VPS13B: variants seen among roughly 807,000 people sequenced by gnomAD.
VPS13B encodes intermembrane lipid transfer protein VPS13B.
A neutral mutation model predicts 426.4 loss-of-function variants in VPS13B; 285 were observed. That is an observed-to-expected ratio of 0.67 (90% CI 0.61 to 0.74). The LOEUF is 0.74. Among genes scored for constraint, VPS13B ranks in the 30% least tolerant of loss-of-function variants. The pLI, the probability that VPS13B is intolerant of heterozygous loss-of-function variation, is 0.00. For missense variants in VPS13B, 4,537 were observed against 4,782.6 expected (o/e 0.95, Z 1.51); for synonymous variants, 1,676 against 1,676.4 (o/e 1.00, Z 0.01).
Position 99,823,858 on chromosome 8 carries a change from G to A in VPS13B, c.9210G>A (p.Met3070Ile). The change falls in exon 51 of 62, where the codon ATG becomes ATA. Residue 3070 changes from methionine (M) to isoleucine (I), a missense_variant. Physicochemically the swap from Met to Ile is conservative, Grantham distance 10. This residue lies in a region of VPS13B where 4,311 missense variants were observed against 4,474.3 expected (regional missense o/e 0.96). Coordinates refer to ENST00000357162, the MANE Select transcript of VPS13B (RefSeq NM_152564.5). ...QKLCQFCISS[M>I]VQQGIQIIQI... is the part of the protein sequence containing the mutation. Reference sequence around the variant, plus strand: ...TATGTCAGTTCTGCATTTCCTCCATGGTACAGCAAGGTATACAAATTATTC... The same window carrying A: ...TATGTCAGTTCTGCATTTCCTCCATAGTACAGCAAGGTATACAAATTATTC... 6.2e-7 allele frequency: 1 copy of A among 1,613,436 alleles called. No homozygotes were observed. The highest frequency in any genetic ancestry group is 8.5e-7 in the Non-Finnish European group (1 of 1,179,830).
intron 19 of VPS13B, chr8:99,348,058 A>G (rs1038034001): frequency 1.3e-5 from 2 of 152,276 alleles, no homozygotes; most frequent in African/African-American, 4.8e-5. Flanking sequence ...CTATGCAGGT[A>G]CATCTTACTC....
intron 58 of VPS13B, among the ~76,000 whole-genome samples, chr8:99,865,521 G>C (rs1245728014): frequency 6.6e-6 from 1 of 152,222 alleles, no homozygotes; most frequent in Non-Finnish European, 1.5e-5. Flanking sequence ...TCCCCTCCGA[G>C]GGAGTGACTC....
intron 21 of VPS13B, among the ~76,000 whole-genome samples, chr8:99,428,541 C>T (rs927451650): frequency 3.3e-5 from 5 of 152,186 alleles, no homozygotes; most frequent in Non-Finnish European, 7.4e-5. Flanking sequence ...AAATGCTCAT[C>T]ATCACTGGCC....
At chr8:99,057,234 C>G (rs576709629) in intron 3 of VPS13B, among the ~76,000 whole-genome samples, 84 of 151,690 alleles carry the variant, frequency 5.5e-4, no homozygotes, top group Middle Eastern at 3.4e-3. Flanking sequence ...CCTTTTTAAA[C>G]TTATAAGTTA....
intron 3 of VPS13B, among the ~76,000 whole-genome samples, chr8:99,086,095 C>T (rs559416697): frequency 1.3e-5 from 2 of 152,194 alleles, no homozygotes; most frequent in African/African-American, 4.8e-5. Flanking sequence ...TTCAGATACA[C>T]CAGTGAGACA....
chr8:99,360,498 C>T (rs759092473), intron 19 of VPS13B, among the ~76,000 whole-genome samples: 5 of 151,612 alleles, frequency 3.3e-5, no homozygotes, highest in Non-Finnish European at 4.4e-5. Flanking sequence ...AGTATGGTCT[C>T]GATCTCCTGA....
Position 99,876,056 on chromosome 8 carries a change from T to C in VPS13B, c.*390T>C, listed in dbSNP as rs1817685515. 1.3e-5 allele frequency: 3 copies of C among 238,742 alleles called. No homozygotes were observed. The highest frequency in any genetic ancestry group is 1.6e-5 in the Non-Finnish European group (2 of 122,010). 14.8% of individuals were successfully genotyped at this position (238,742 alleles called of 1,614,324 possible). A position where few individuals can be genotyped will look rare whatever the true frequency, so the allele number is the denominator to read the frequency against. ...AGAGGATGCATTTATTTTTGCTCTA[T>C]GACACTTGCAAAAATCTCTACTGTA... On this transcript the variant is annotated 3_prime_UTR_variant, in exon 62 of 62. Coordinates refer to ENST00000357162, the MANE Select transcript of VPS13B (RefSeq NM_152564.5).
chr8:99,433,881 A>T (rs1817240749), intron 22 of VPS13B, among the ~76,000 whole-genome samples: 1 of 151,982 alleles, frequency 6.6e-6, no homozygotes, highest in Admixed American at 6.6e-5. Context: ...ATCTCAACTC[A>T]TTGCACCTTC....
At chr8:99,743,486 T>C (rs1430647381) in intron 39 of VPS13B, among the ~76,000 whole-genome samples, 2 of 152,048 alleles carry the variant, frequency 1.3e-5, no homozygotes, top group African/African-American at 4.8e-5. Context: ...AAAGTTCATA[T>C]GGAACCAAAA....
At chr8:99,389,680 G>C (rs145254429) in intron 20 of VPS13B, 1 of 152,280 alleles carries the variant, frequency 6.6e-6, no homozygotes, top group African/African-American at 2.4e-5. Flanking sequence ...GGAGGGGTTC[G>C]TCTTGTCTCA....
At chr8:99,582,732 T>G (rs984295589) in intron 33 of VPS13B, among the ~76,000 whole-genome samples, 1 of 152,156 alleles carries the variant, frequency 6.6e-6, no homozygotes, top group Non-Finnish European at 1.5e-5. Flanking sequence ...CTCGGCTCAC[T>G]GCAAGCTCCG....
intron 59 of VPS13B, among the ~76,000 whole-genome samples, chr8:99,869,415 G>A (rs1464172446): frequency 6.6e-6 from 1 of 152,150 alleles, no homozygotes; most frequent in Non-Finnish European, 1.5e-5. Context: ...GAAGGGAGTG[G>A]AGATGAATGA....
At chr8:99,515,423 C>T (rs1348287580) in intron 29 of VPS13B, among the ~76,000 whole-genome samples, 4 of 151,596 alleles carry the variant, frequency 2.6e-5, no homozygotes, top group African/African-American at 2.4e-5. Context: ...TCCTCCTCCT[C>T]CTCCTGCTGC....
chr8:99,561,073 T>A (rs1300492370), intron 31 of VPS13B, among the ~76,000 whole-genome samples: 1 of 152,204 alleles, frequency 6.6e-6, no homozygotes, highest in East Asian at 1.9e-4. Context: ...AAGGTGAACA[T>A]TTAGTGGCAT....
chr8:99,033,375 T>G lies in VPS13B; in HGVS notation c.148-5048T>G, dbSNP rs192103538. Among the ~76,000 whole-genome samples, 13 of 152,332 alleles carry G rather than the reference T, an allele frequency of 8.5e-5. 1 individual carries two copies. Among genetic ancestry groups the G allele is most frequent in the Admixed American group, 7.8e-4 (12 of 15,304 alleles). ...TATTTTTGTCTTTCTGCTCTCAATATCTATATATTTTTTGTCCCTGGCTTT... is the reference window on the plus strand; with the variant it reads ...TATTTTTGTCTTTCTGCTCTCAATAGCTATATATTTTTTGTCCCTGGCTTT... On this transcript the variant is annotated intron_variant, in intron 2 of 61. Transcript: ENST00000357162.
intron 17 of VPS13B, among the ~76,000 whole-genome samples, chr8:99,199,650 G>A (rs1018424821): frequency 6.6e-6 from 1 of 151,966 alleles, no homozygotes; most frequent in Admixed American, 6.6e-5. Context: ...AATTCTGTTT[G>A]ATTACATTCT....
intron 56 of VPS13B, among the ~76,000 whole-genome samples, chr8:99,855,192 T>C (rs1465007935): frequency 6.6e-6 from 1 of 152,016 alleles, no homozygotes; most frequent in African/African-American, 2.4e-5. Flanking sequence ...CTTGGCCAAC[T>C]GGTGAAACCT....
chr8:99,358,647 T>C (rs977670071), intron 19 of VPS13B, among the ~76,000 whole-genome samples: 1 of 152,222 alleles, frequency 6.6e-6, no homozygotes, highest in Admixed American at 6.5e-5. Context: ...ATTGTTTCAG[T>C]TGGTATTCAC....
chr8:99,130,388 CTT>C (rs539820640), intron 8 of VPS13B, among the ~76,000 whole-genome samples: 15 of 135,064 alleles, frequency 1.1e-4, no homozygotes, highest in Non-Finnish European at 1.1e-4. Flanking sequence ...TGTTCGGGTC[CTT>C]TTTTTTTTTT....
Sources: allele counts gnomAD v4.1 joint callset (sites outside exome capture counted in the v4.1 genomes callset), GRCh38; gene constraint gnomAD v4.1.1; regional missense constraint gnomAD v4.1.1; transcripts MANE v1.5; gene names NCBI Gene and HGNC (gene_info 2026-07-23, HGNC 2026-07-21).